Variants in FYCO1 observed in about 807,000 individuals in gnomAD.
FYCO1 encodes FYVE and coiled-coil domain-containing protein 1.
FYCO1 carries 122 observed loss-of-function variants against 165.1 expected under a neutral mutation model. The ratio of observed to expected loss-of-function variants is 0.74; its 90% CI spans 0.64 to 0.86. FYCO1 has a LOEUF of 0.86. Ranked by LOEUF, FYCO1 falls within the 40% of genes least tolerant of loss-of-function variation. FYCO1 has a pLI of 0.00. For missense variants in FYCO1, 1,702 were observed against 1,810.3 expected (o/e 0.94, Z 1.09); for synonymous variants, 648 against 742.5 (o/e 0.87, Z 2.07).
chr3:45,979,791 T>G lies in FYCO1; in HGVS notation c.202A>C (p.Lys68Gln). 1 of 1,614,036 alleles carries G rather than the reference T, an allele frequency of 6.2e-7. No individual in the cohort carries two copies. Residue 68 changes from lysine to glutamine, a missense_variant, in exon 4 of 18, where the codon AAG becomes CAG. By Grantham distance (53) the Lys-to-Gln change is moderately conservative (BLOSUM62 1). Coordinates refer to ENST00000296137, the MANE Select transcript of FYCO1 (RefSeq NM_024513.4). Reference protein sequence around the residue: ...KEKATLLGNKKDYWDYFCACL... With the variant: ...KEKATLLGNKQDYWDYFCACL... Reference sequence around the variant, plus strand: ...GCACAGAAGTAATCCCAGTAGTCCTTCTTGTTGCCCAGGAGGGTGGCCTTC... The same window carrying G: ...GCACAGAAGTAATCCCAGTAGTCCTGCTTGTTGCCCAGGAGGGTGGCCTTC...
intron 14 of FYCO1, among the ~76,000 whole-genome samples, chr3:45,949,216 A>G (rs1704837874): frequency 6.6e-6 from 1 of 152,200 alleles, no homozygotes; most frequent in Non-Finnish European, 1.5e-5. Flanking sequence ...TACTGTACTC[A>G]GGCCACATGG....
chr3:45,947,703 G>A lies in FYCO1; in HGVS notation c.3944+7546C>T, dbSNP rs1704721903. The A allele has an allele frequency of 2.6e-5, 15 of 580,102 alleles. 1 individual carries two copies. The South Asian group carries it at 3.8e-4, about 15-fold the overall frequency. The allele number at this position is 580,102 out of a possible 1,614,324, so 35.9% of individuals were successfully genotyped here. ...CTCTTCTTGAACACTCATGCTGAAA[G>A]CCCAAGTAGGGGGTCTAAAATTTTT... On this transcript the variant is annotated intron_variant, in intron 14 of 17. Coordinates refer to ENST00000296137, the MANE Select transcript of FYCO1 (RefSeq NM_024513.4).
At chr3:45,963,458 T>C (rs890483217) in intron 10 of FYCO1, among the ~76,000 whole-genome samples, 3 of 152,214 alleles carry the variant, frequency 2.0e-5, no homozygotes, top group Admixed American at 2.0e-4. Context: ...GAAAAATGTA[T>C]GTCCAGGTTA....
chr3:45,976,173 G>A (rs1706748125), intron 4 of FYCO1, among the ~76,000 whole-genome samples: 1 of 152,168 alleles, frequency 6.6e-6, no homozygotes, highest in Non-Finnish European at 1.5e-5. Context: ...CCAGGTGCAG[G>A]CCTGTCTTCA....
chr3:45,967,015 C>T lies in FYCO1; in HGVS notation c.2319G>A (p.Leu773=), dbSNP rs763314765. Reference sequence around the variant, plus strand: ...GATGGACTTCCAGCTGCGCCTGAGACAGGGCTAGCTGGGCAGCCAGCTCAC... The same window carrying T: ...GATGGACTTCCAGCTGCGCCTGAGATAGGGCTAGCTGGGCAGCCAGCTCAC... ...EARELAAQLA[L]SQAQLEVHQG... is the part of the protein sequence containing the mutation. Residue 773 remains leucine (L), a synonymous_variant, in exon 8 of 18, where the codon CTG becomes CTA. Transcript: ENST00000296137. The T allele has an allele frequency of 1.9e-6, 3 of 1,613,146 alleles. No homozygotes were observed. Among genetic ancestry groups the T allele is most frequent in the African/African-American group, 2.7e-5 (2 of 74,936 alleles).
At position 45,965,029 on chromosome 3, in the gene FYCO1, C is replaced by T; in HGVS notation, c.3150+4G>A. On this transcript the variant is annotated splice_donor_region_variant and intron_variant, in intron 9 of 17. Transcript: ENST00000296137. Reference sequence around the variant, plus strand: ...CCTGACAGGTCTACACTACCAGGGCCTACCTTCAGCTTCTCCACAGCTTCC... The same window carrying T: ...CCTGACAGGTCTACACTACCAGGGCTTACCTTCAGCTTCTCCACAGCTTCC... 6.2e-7 allele frequency: 1 copy of T among 1,613,570 alleles called. No individual in the cohort carries two copies. Among genetic ancestry groups the T allele is most frequent in the Non-Finnish European group, 8.5e-7 (1 of 1,179,510 alleles).
intron 7 of FYCO1, 24 bp from the exon 8 acceptor site, chr3:45,968,727 A>G: frequency 6.2e-7 from 1 of 1,614,142 alleles, no homozygotes; most frequent in East Asian, 2.2e-5. Context: ...CACAAAAGAC[A>G]AGTGGCTTTA....
At position 45,962,244 on chromosome 3, in the gene FYCO1, GCTC is replaced by G. The variant is rs745815989; in HGVS notation, c.3415_3417del (p.Glu1139del). Reference sequence around the variant, plus strand: ...ACTCACCTGAGCAGCTCTATCAGCCGCTCCTCGAGATACTTCTTGGTTCTGTTG... The same window carrying G: ...ACTCACCTGAGCAGCTCTATCAGCCGCTCGAGATACTTCTTGGTTCTGTTG... On this transcript the variant is annotated inframe_deletion, in exon 11 of 18. Transcript: ENST00000296137. The surrounding 1 kb of genome is among the most constrained non-coding windows in gnomAD (Gnocchi z 4.4). The G allele has an allele frequency of 6.2e-7, 1 of 1,614,196 alleles. No homozygotes were observed. Among genetic ancestry groups the G allele is most frequent in the Admixed American group, 1.7e-5 (1 of 60,032 alleles).
At chr3:45,994,963 TG>T (rs1474784274) in intron 1 of FYCO1, among the ~76,000 whole-genome samples, 1 of 152,060 alleles carries the variant, frequency 6.6e-6, no homozygotes, top group East Asian at 1.9e-4. Context: ...AGAATACATG[TG>T]CTTTAACAGG....
intron 14 of FYCO1, among the ~76,000 whole-genome samples, chr3:45,952,037 AG>A (rs1423845475): frequency 6.6e-6 from 1 of 152,178 alleles, no homozygotes; most frequent in African/African-American, 2.4e-5. Context: ...TCTAAAGCCT[AG>A]TTCTGGCACC....
chr3:45,954,935 T>C (rs1705225803), intron 14 of FYCO1, among the ~76,000 whole-genome samples: 1 of 152,194 alleles, frequency 6.6e-6, no homozygotes, highest in South Asian at 2.1e-4. Context: ...ATTTCTGTTA[T>C]TTAAGCCACC....
At chr3:45,946,400 G>T in intron 14 of FYCO1, 1 of 1,252,864 alleles carries the variant, frequency 8.0e-7, no homozygotes. Flanking sequence ...CAATGGGATA[G>T]CAGGAAGACA....
chr3:45,940,192 GC>G (rs1462691598), intron 14 of FYCO1, among the ~76,000 whole-genome samples: 1 of 152,176 alleles, frequency 6.6e-6, no homozygotes, highest in African/African-American at 2.4e-5. Context: ...GCAGGAGAGG[GC>G]CCCCCTCCCC....
chr3:45,922,902 A>G (rs941382596), intron 17 of FYCO1, among the ~76,000 whole-genome samples: 1 of 152,210 alleles, frequency 6.6e-6, no homozygotes, highest in Non-Finnish European at 1.5e-5. Flanking sequence ...TTCTCTCTAA[A>G]GAGCTGGTTC....
At position 45,919,010 on chromosome 3, in the gene FYCO1, T is replaced by C. The variant is rs1703002840; in HGVS notation, c.*2755A>G. 1 of 151,456 alleles carries C rather than the reference T, an allele frequency of 6.6e-6. No homozygotes were observed. The highest frequency in any genetic ancestry group is 2.4e-5 in the African/African-American group (1 of 41,068). The allele number at this position is 151,456 out of a possible 1,614,324, so 9.4% of individuals were successfully genotyped here. A position where few individuals can be genotyped will look rare whatever the true frequency, so the allele number is the denominator to read the frequency against. Reference sequence around the variant, plus strand: ...GTGGCATGATGAAGAAGGCATCTGGTATCGATATGAAGACGTAACTGTTAT... The same window carrying C: ...GTGGCATGATGAAGAAGGCATCTGGCATCGATATGAAGACGTAACTGTTAT... On this transcript the variant is annotated 3_prime_UTR_variant, in exon 18 of 18. Coordinates refer to ENST00000296137, the MANE Select transcript of FYCO1 (RefSeq NM_024513.4).
rs1486449055 is a variant in FYCO1 at position 45,962,498 on chromosome 3, T to A, written c.3270-106A>T. ...TGAGGGGTGCTACTGCCCTCCGCCA[T>A]GGGGGAGCCCCTTGGTATCTGCTCA... is the stretch of plus-strand genomic sequence containing the variant. On this transcript the variant is annotated intron_variant, in intron 10 of 17. Transcript: ENST00000296137. This position sits in a 1 kb window ranked among gnomAD's most constrained non-coding sequence, Gnocchi z 4.4. The A allele has an allele frequency of 9.9e-7, 1 of 1,010,064 alleles. No individual in the cohort carries two copies. Among genetic ancestry groups the A allele is most frequent in the South Asian group, 1.3e-5 (1 of 78,088 alleles). The allele number at this position is 1,010,064 out of a possible 1,614,324, so 62.6% of individuals were successfully genotyped here. A position where few individuals can be genotyped will look rare whatever the true frequency, so the allele number is the denominator to read the frequency against.
At chr3:45,944,827 T>G (rs563951629) in intron 14 of FYCO1, among the ~76,000 whole-genome samples, 1 of 152,310 alleles carries the variant, frequency 6.6e-6, no homozygotes, top group South Asian at 2.1e-4. Context: ...CTGAACATTA[T>G]TCTTAAGAGC....
At chr3:45,982,573 G>A (rs1707111466) in intron 2 of FYCO1, among the ~76,000 whole-genome samples, 1 of 152,208 alleles carries the variant, frequency 6.6e-6, no homozygotes, top group Non-Finnish European at 1.5e-5. Context: ...CTGTGGGACA[G>A]AGGGACTATC....
chr3:45,994,595 A>G (rs1216667523), intron 1 of FYCO1, among the ~76,000 whole-genome samples: 1 of 152,202 alleles, frequency 6.6e-6, no homozygotes. Context: ...CCACTTCAGA[A>G]GGTGGGAACT....
Sources: allele counts gnomAD v4.1 joint callset (sites outside exome capture counted in the v4.1 genomes callset), GRCh38; gene constraint gnomAD v4.1.1; non-coding constraint Gnocchi (gnomAD v3.1); transcripts MANE v1.5; gene names NCBI Gene and HGNC (gene_info 2026-07-23, HGNC 2026-07-21).